The following PARD3B variants were observed in gnomAD, a reference collection of about 807,000 sequenced individuals.
The protein encoded by PARD3B is partitioning defective 3 homolog B.
Under a neutral mutation model 130.2 loss-of-function variants are expected in PARD3B, and 103 were observed. That is an observed-to-expected ratio of 0.79 (90% CI 0.67 to 0.93). PARD3B has a LOEUF of 0.93. Ranked by LOEUF, PARD3B falls within the 40% of genes least tolerant of loss-of-function variation. The pLI, the probability that PARD3B is intolerant of heterozygous loss-of-function variation, is 0.00. For missense variants in PARD3B, 1,609 were observed against 1,499.2 expected, an observed-to-expected ratio of 1.07 and a Z score of -1.21; for synonymous variants, 583 against 553.2, an observed-to-expected ratio of 1.05 and a Z score of -0.76.
intron 1 of PARD3B, among the ~76,000 whole-genome samples, chr2:204,569,578 A>G (rs1361620707): frequency 1.3e-5 from 2 of 152,186 alleles, no homozygotes; most frequent in South Asian, 2.1e-4. Context: ...GCTGCCTAGC[A>G]TTCTTAGTTT....
chr2:205,025,727 G>A (rs1696966718), intron 3 of PARD3B, among the ~76,000 whole-genome samples: 1 of 152,048 alleles, frequency 6.6e-6, no homozygotes, highest in Non-Finnish European at 1.5e-5. Flanking sequence ...ACGTCTCTCT[G>A]GGTTTAATAC....
At chr2:204,593,548 T>C (rs1574514184) in intron 1 of PARD3B, among the ~76,000 whole-genome samples, 1 of 152,174 alleles carries the variant, frequency 6.6e-6, no homozygotes, top group Non-Finnish European at 1.5e-5. Flanking sequence ...CTAACTAATA[T>C]CCTGCAACTT....
At chr2:204,745,832 A>T (rs1405005352) in intron 2 of PARD3B, among the ~76,000 whole-genome samples, 3 of 152,072 alleles carry the variant, frequency 2.0e-5, no homozygotes, top group East Asian at 1.9e-4. Flanking sequence ...AAGGCCTAGC[A>T]CTATTCACTT....
chr2:204,837,270 T>C (rs1269354465), intron 2 of PARD3B, among the ~76,000 whole-genome samples: 1 of 152,182 alleles, frequency 6.6e-6, no homozygotes, highest in Non-Finnish European at 1.5e-5. Context: ...GTATACTTTT[T>C]ACAAGAGCCC....
chr2:204,631,337 CCT>C (rs911294432), intron 1 of PARD3B, among the ~76,000 whole-genome samples: 2 of 151,852 alleles, frequency 1.3e-5, no homozygotes, highest in Non-Finnish European at 2.9e-5. Flanking sequence ...GCAACCTCTG[CCT>C]CTCGGGTTCA....
In PARD3B at chr2:204,776,215, A is replaced by G. The variant is rs1018504390; in HGVS notation, c.222+89933A>G. On this transcript the variant is annotated intron_variant, in intron 2 of 22. Coordinates refer to ENST00000406610, the MANE Select transcript of PARD3B (RefSeq NM_001302769.2). ...CTGAGATAGGATTCTATAGATAGCA[A>G]TTACAGCTGTTGATATGTTTTCTAG... is the stretch of plus-strand genomic sequence containing the variant. 9.2e-5 allele frequency among the ~76,000 whole-genome samples: 14 copies of G among 152,182 alleles called. No individual in the cohort carries two copies. In the South Asian group the frequency reaches 1.4e-3, roughly 16 times the overall value.
At chr2:205,519,810 T>C (rs549741413) in intron 21 of PARD3B, among the ~76,000 whole-genome samples, 1 of 152,338 alleles carries the variant, frequency 6.6e-6, no homozygotes, top group African/African-American at 2.4e-5. Context: ...TATTTGAAGC[T>C]GACTTCTTAT....
In PARD3B at chr2:205,339,846, A is replaced by G. The variant is rs1433970990; in HGVS notation, c.2630+38145A>G. Among the ~76,000 whole-genome samples the G allele has an allele frequency of 2.6e-5, 4 of 152,168 alleles. No homozygotes were observed. In the East Asian group the frequency reaches 5.8e-4, roughly 22 times the overall value. Reference sequence around the variant, plus strand: ...CAAAACATTTGACCTGGAGAAGAGAAAACAGGAGAGCTATAATTGCTGTGT... The same window carrying G: ...CAAAACATTTGACCTGGAGAAGAGAGAACAGGAGAGCTATAATTGCTGTGT... On this transcript the variant is annotated intron_variant, in intron 18 of 22. Coordinates refer to ENST00000406610, the MANE Select transcript of PARD3B (RefSeq NM_001302769.2).
intron 15 of PARD3B, among the ~76,000 whole-genome samples, chr2:205,235,472 AC>A (rs1244399129): frequency 1.3e-5 from 2 of 152,108 alleles, no homozygotes; most frequent in Non-Finnish European, 2.9e-5. Flanking sequence ...CCCCTTGTCT[AC>A]AGGGGATATG....
At chr2:205,344,194 T>TTG (rs1553681141) in intron 18 of PARD3B, among the ~76,000 whole-genome samples, 5,929 of 140,936 alleles carry the variant, frequency 0.042, 382 homozygotes, top group African/African-American at 0.14. Context: ...GTCAGTTGGT[T>TTG]TGTGTGTGTG....
At chr2:205,089,724 T>C (rs1559426550) in intron 4 of PARD3B, among the ~76,000 whole-genome samples, 1 of 152,222 alleles carries the variant, frequency 6.6e-6, no homozygotes, top group Non-Finnish European at 1.5e-5. Context: ...GAGTCAATTA[T>C]TTTGTTCAAC....
At chr2:205,424,384 C>T (rs1342693034) in intron 19 of PARD3B, among the ~76,000 whole-genome samples, 1 of 152,100 alleles carries the variant, frequency 6.6e-6, no homozygotes, top group Non-Finnish European at 1.5e-5. Flanking sequence ...TTCATGATCC[C>T]AGAGTTCATT....
intron 21 of PARD3B, among the ~76,000 whole-genome samples, chr2:205,510,677 C>T (rs1230617619): frequency 6.6e-6 from 1 of 152,204 alleles, no homozygotes; most frequent in Non-Finnish European, 1.5e-5. Context: ...CTAGCAGCTT[C>T]TGCCTGCAGC....
At chr2:205,262,190 A>G (rs1176429623) in intron 16 of PARD3B, among the ~76,000 whole-genome samples, 1 of 152,094 alleles carries the variant, frequency 6.6e-6, no homozygotes, top group Non-Finnish European at 1.5e-5. Flanking sequence ...TTGGATCAAG[A>G]CAGCCCATAG....
At chr2:205,254,756 C>T (rs534756570) in intron 16 of PARD3B, among the ~76,000 whole-genome samples, 42 of 151,170 alleles carry the variant, frequency 2.8e-4, no homozygotes, top group Non-Finnish European at 5.5e-4. Flanking sequence ...CTCCGCCCCC[C>T]GGGGTTCACG....
chr2:205,177,060 T>C (rs1306475507), intron 13 of PARD3B, among the ~76,000 whole-genome samples: 1 of 152,206 alleles, frequency 6.6e-6, no homozygotes, highest in East Asian at 1.9e-4. Context: ...TGGAATGTTC[T>C]TGTTATTGTC....
At chr2:205,385,350 A>G (rs1559041340) in intron 18 of PARD3B, among the ~76,000 whole-genome samples, 1 of 152,154 alleles carries the variant, frequency 6.6e-6, no homozygotes, top group Non-Finnish European at 1.5e-5. Flanking sequence ...TTGGAAAAGA[A>G]CAATATGCAG....
intron 2 of PARD3B, among the ~76,000 whole-genome samples, chr2:204,758,804 C>T (rs370466307): frequency 3.9e-5 from 6 of 152,100 alleles, no homozygotes; most frequent in African/African-American, 1.4e-4. Flanking sequence ...TGTTTGGCTC[C>T]GTGGTTATGA....
rs2045341073 is a variant in PARD3B at position 205,380,635 on chromosome 2, T to TATTATATATATTATATAAAGA, written c.2631-20376_2631-20375insTATATATATTATATAAAGAAT. On this transcript the variant is annotated intron_variant, in intron 18 of 22. Coordinates refer to ENST00000406610, the MANE Select transcript of PARD3B (RefSeq NM_001302769.2). ...ATTATATATATTATATAAAGAATAT[T>TATTATATATATTATATAAAGA]ATATATTATATAAAGAATATATATT... Among the ~76,000 whole-genome samples, 2 of 52,104 alleles carry TATTATATATATTATATAAAGA rather than the reference T, an allele frequency of 3.8e-5. 1 individual carries two copies. The highest frequency in any genetic ancestry group is 3.4e-4 in the African/African-American group (2 of 5,882). The allele number at this position is 52,104 out of a possible 152,430, so 34.2% of individuals were successfully genotyped here. A position where few individuals can be genotyped will look rare whatever the true frequency, so the allele number is the denominator to read the frequency against.
Sources: allele counts gnomAD v4.1 joint callset (sites outside exome capture counted in the v4.1 genomes callset), GRCh38; gene constraint gnomAD v4.1.1; transcripts MANE v1.5; gene names NCBI Gene and HGNC (gene_info 2026-07-23, HGNC 2026-07-21).